Variants in CERS3 observed in about 807,000 individuals in gnomAD.
CERS3 encodes ceramide synthase 3, also known as LAG1 homolog, ceramide synthase 3.
A neutral mutation model predicts 50.3 loss-of-function variants in CERS3; 33 were observed. That is an observed-to-expected ratio of 0.66 (90% CI 0.50 to 0.88). The LOEUF (loss-of-function observed/expected upper bound fraction) is 0.88, where lower values mean the gene tolerates loss of function less well. Among genes scored for constraint, CERS3 ranks in the 40% least tolerant of loss-of-function variants. CERS3 has a pLI of 0.00. For missense variants in CERS3, 470 were observed against 460.3 expected, an observed-to-expected ratio of 1.02 and a Z score of -0.19; for synonymous variants, 176 against 155.2, an observed-to-expected ratio of 1.13 and a Z score of -0.99.
rs573591405 is a variant in CERS3, at chr15:100,401,785, C to G, written c.*928G>C. On this transcript the variant is annotated 3_prime_UTR_variant, in exon 12 of 12. Transcript: ENST00000679737. ...GGCCTGAAGGAAGGGCTCAGGGCAGCAGCACAGAAGCTTCCCTCCTAGAAA... is the reference window on the plus strand; with the variant it reads ...GGCCTGAAGGAAGGGCTCAGGGCAGGAGCACAGAAGCTTCCCTCCTAGAAA... 1 of 152,252 alleles carries G rather than the reference C, an allele frequency of 6.6e-6. No homozygotes were observed. Among genetic ancestry groups the G allele is most frequent in the African/African-American group, 2.4e-5 (1 of 41,436 alleles). The allele number at this position is 152,252 out of a possible 1,614,324, so 9.4% of individuals were successfully genotyped here. A position where few individuals can be genotyped will look rare whatever the true frequency, so the allele number is the denominator to read the frequency against.
At chr15:100,416,717 T>C (rs1480216832) in intron 11 of CERS3, among the ~76,000 whole-genome samples, 3 of 152,144 alleles carry the variant, frequency 2.0e-5, no homozygotes, top group Non-Finnish European at 4.4e-5. Context: ...TAGGGCAAAC[T>C]GCTCCCATGG....
intron 11 of CERS3, among the ~76,000 whole-genome samples, chr15:100,423,014 C>T (rs2032558749): frequency 6.7e-6 from 1 of 150,202 alleles, no homozygotes; most frequent in South Asian, 2.1e-4. Context: ...TGCAGCACAC[C>T]AGCATGGCAC....
chr15:100,441,490 G>A (rs2033681442), intron 11 of CERS3, among the ~76,000 whole-genome samples: 1 of 151,244 alleles, frequency 6.6e-6, no homozygotes, highest in South Asian at 2.1e-4. Context: ...TTCCCTCCGT[G>A]TCTCTACCCT....
rs1318945466 is a variant in CERS3, at chr15:100,400,960, T to C, written c.*1753A>G. ...TTATACAGAGAAAATCTGACCTTGT[T>C]TGTAACAATTTCTCAGAAAGAGATA... On this transcript the variant is annotated 3_prime_UTR_variant, in exon 12 of 12. Coordinates refer to ENST00000679737, the MANE Select transcript of CERS3 (RefSeq NM_001378789.1). 1.3e-5 allele frequency: 2 copies of C among 152,178 alleles called. No homozygotes were observed. Among genetic ancestry groups the C allele is most frequent in the East Asian group, 3.8e-4 (2 of 5,196 alleles). 9.4% of individuals were successfully genotyped at this position (152,178 alleles called of 1,614,324 possible).
intron 1 of CERS3, among the ~76,000 whole-genome samples, chr15:100,538,504 C>T (rs2037125176): frequency 6.6e-6 from 1 of 152,266 alleles, no homozygotes; most frequent in Non-Finnish European, 1.5e-5. Flanking sequence ...GCACCTGCAG[C>T]CCCAACACCA....
intron 1 of CERS3, among the ~76,000 whole-genome samples, chr15:100,541,035 C>T (rs1421530611): frequency 6.6e-6 from 1 of 152,202 alleles, no homozygotes; most frequent in Non-Finnish European, 1.5e-5. Flanking sequence ...TGCTTTCCAG[C>T]TACTGAGAGT....
intron 11 of CERS3, among the ~76,000 whole-genome samples, chr15:100,432,766 C>G (rs533259041): frequency 1.4e-4 from 22 of 151,972 alleles, no homozygotes; most frequent in Non-Finnish European, 1.8e-4. Context: ...GAGTCACGTA[C>G]GTTCGAAAGA....
At chr15:100,441,957 AG>A (rs1344071588) in intron 11 of CERS3, among the ~76,000 whole-genome samples, 1 of 151,802 alleles carries the variant, frequency 6.6e-6, no homozygotes, top group Non-Finnish European at 1.5e-5. Flanking sequence ...AGGCTGAGCT[AG>A]GTCCCAATTC....
chr15:100,523,487 G>A (rs2036696621), intron 1 of CERS3, among the ~76,000 whole-genome samples: 1 of 151,920 alleles, frequency 6.6e-6, no homozygotes, highest in Non-Finnish European at 1.5e-5. Flanking sequence ...AGATCACAAG[G>A]TCAGGAGATT....
chr15:100,487,056 T>G (rs1005987756), intron 4 of CERS3, among the ~76,000 whole-genome samples: 2 of 152,210 alleles, frequency 1.3e-5, no homozygotes, highest in Admixed American at 1.3e-4. Flanking sequence ...CACTATGATA[T>G]TATTAAGAGA....
intron 2 of CERS3, among the ~76,000 whole-genome samples, chr15:100,511,056 G>A (rs1365002230): frequency 6.6e-6 from 1 of 152,214 alleles, no homozygotes; most frequent in East Asian, 1.9e-4. Flanking sequence ...GGGAGGCTGA[G>A]TTGAGTGGAT....
At chr15:100,540,499 G>A (rs971476328) in intron 1 of CERS3, among the ~76,000 whole-genome samples, 5 of 152,154 alleles carry the variant, frequency 3.3e-5, no homozygotes, top group South Asian at 2.1e-4. Flanking sequence ...AGCTGAAATC[G>A]TGCCATTGCA....
At chr15:100,412,540 T>C (rs1360173912) in intron 11 of CERS3, among the ~76,000 whole-genome samples, 1 of 152,202 alleles carries the variant, frequency 6.6e-6, no homozygotes, top group Non-Finnish European at 1.5e-5. Flanking sequence ...CTAAAGTCTT[T>C]TAAGTCCTGT....
At chr15:100,435,800 A>G (rs1216792109) in intron 11 of CERS3, among the ~76,000 whole-genome samples, 1 of 152,244 alleles carries the variant, frequency 6.6e-6, no homozygotes, top group Non-Finnish European at 1.5e-5. Context: ...AACCCCATCA[A>G]AAAGTGGGTC....
chr15:100,462,915 C>A (rs2034598039), intron 10 of CERS3, among the ~76,000 whole-genome samples: 1 of 152,140 alleles, frequency 6.6e-6, no homozygotes, highest in Non-Finnish European at 1.5e-5. Context: ...ACATTTCCTG[C>A]GATTGATAAC....
intron 1 of CERS3, chr15:100,544,568 C>A (rs1241354832): frequency 6.6e-6 from 1 of 151,502 alleles, no homozygotes; most frequent in African/African-American, 2.4e-5. Flanking sequence ...GGTCGGGCAG[C>A]CCCACACACC....
intron 4 of CERS3, among the ~76,000 whole-genome samples, chr15:100,486,963 T>C (rs2035503362): frequency 6.6e-6 from 1 of 152,228 alleles, no homozygotes; most frequent in African/African-American, 2.4e-5. Context: ...ACAGTAACTG[T>C]TTATGAGTCG....
intron 11 of CERS3, among the ~76,000 whole-genome samples, chr15:100,428,136 C>T (rs969796026): frequency 9.9e-5 from 15 of 152,176 alleles, no homozygotes; most frequent in African/African-American, 3.6e-4. Flanking sequence ...CTCATTTTCT[C>T]CATCCATCAA....
chr15:100,415,808 AG>A (rs2031856731), intron 11 of CERS3, among the ~76,000 whole-genome samples: 2 of 145,864 alleles, frequency 1.4e-5, no homozygotes, highest in Non-Finnish European at 3.0e-5. Flanking sequence ...GGAGTGAGGG[AG>A]GGGAGGGAGC....
Sources: gnomAD v4.1 joint callset for allele counts (sites outside exome capture counted in the v4.1 genomes callset) on GRCh38, gnomAD v4.1.1 for gene constraint, MANE v1.5 for transcripts, NCBI Gene and HGNC (gene_info 2026-07-23, HGNC 2026-07-21) for gene names.